SPIDR: variants seen among roughly 807,000 people sequenced by gnomAD.
SPIDR encodes the protein DNA repair-scaffolding protein.
Under a neutral mutation model 104.6 loss-of-function variants are expected in SPIDR, and 93 were observed. The observed-to-expected ratio is 0.89, with a 90% CI of 0.75 to 1.06. The LOEUF is 1.06. Ranked by LOEUF, SPIDR falls within the 50% of genes least tolerant of loss-of-function variation. The pLI, the probability that SPIDR is intolerant of heterozygous loss-of-function variation, is 0.00. For missense variants in SPIDR, 1,154 were observed against 1,111.2 expected (o/e 1.04, Z -0.55); for synonymous variants, 431 against 416.9 (o/e 1.03, Z -0.41).
intron 10 of SPIDR, among the ~76,000 whole-genome samples, chr8:47,624,530 C>A (rs1415660800): frequency 6.6e-6 from 1 of 151,844 alleles, no homozygotes; most frequent in Non-Finnish European, 1.5e-5. Flanking sequence ...ATCAAAGAGA[C>A]GCAATAAAAA....
At chr8:47,275,216 G>T (rs1178870505) in intron 1 of SPIDR, among the ~76,000 whole-genome samples, 2 of 151,358 alleles carry the variant, frequency 1.3e-5, no homozygotes, top group Admixed American at 6.6e-5. Context: ...CCCAGATTGC[G>T]CCACTGCACT....
intron 8 of SPIDR, among the ~76,000 whole-genome samples, chr8:47,539,195 G>A (rs2087592426): frequency 6.6e-6 from 1 of 152,110 alleles, no homozygotes; most frequent in South Asian, 2.1e-4. Context: ...GCTGAGAGAT[G>A]TGATAGATAA....
intron 8 of SPIDR, among the ~76,000 whole-genome samples, chr8:47,565,971 C>CAT (rs1170408396): frequency 0.021 from 877 of 41,450 alleles, 46 homozygotes; most frequent in East Asian, 0.027. Flanking sequence ...TATTTATACT[C>CAT]ATATATATAT....
chr8:47,496,783 A>G (rs2079528467), intron 8 of SPIDR, among the ~76,000 whole-genome samples: 1 of 147,968 alleles, frequency 6.8e-6, no homozygotes, highest in South Asian at 2.1e-4. Context: ...CATTTGGTAG[A>G]ATTCACCACT....
At chr8:47,606,301 C>T (rs1201994143) in intron 10 of SPIDR, among the ~76,000 whole-genome samples, 1 of 151,570 alleles carries the variant, frequency 6.6e-6, no homozygotes, top group Non-Finnish European at 1.5e-5. Flanking sequence ...GGGTGGATCA[C>T]GAGGTCAAGA....
intron 5 of SPIDR, among the ~76,000 whole-genome samples, chr8:47,309,164 AC>A (rs1300867748): frequency 6.6e-6 from 1 of 152,190 alleles, no homozygotes; most frequent in African/African-American, 2.4e-5. Flanking sequence ...TTATATAAAA[AC>A]TGATAAAATT....
At chr8:47,327,345 A>G (rs1433394677) in intron 5 of SPIDR, among the ~76,000 whole-genome samples, 2 of 150,244 alleles carry the variant, frequency 1.3e-5, no homozygotes, top group Non-Finnish European at 3.0e-5. Flanking sequence ...CTTGTCAAAT[A>G]TATGACTGGC....
chr8:47,356,862 G>A (rs763929118), intron 5 of SPIDR, among the ~76,000 whole-genome samples: 108 of 152,240 alleles, frequency 7.1e-4, no homozygotes, highest in Middle Eastern at 3.4e-3. Flanking sequence ...GCTGTTCTGT[G>A]AGCACCTACC....
intron 11 of SPIDR, among the ~76,000 whole-genome samples, chr8:47,675,954 G>A (rs985831506): frequency 1.3e-5 from 2 of 152,192 alleles, no homozygotes; most frequent in African/African-American, 2.4e-5. Context: ...GCAAGGACAC[G>A]AGGGGGCTCC....
intron 8 of SPIDR, among the ~76,000 whole-genome samples, chr8:47,452,447 A>G (rs1262000744): frequency 6.6e-6 from 1 of 152,318 alleles, no homozygotes; most frequent in East Asian, 1.9e-4. Context: ...GATGAACATC[A>G]ATGCAGAAAT....
chr8:47,317,979 C>T (rs995039892), intron 5 of SPIDR, among the ~76,000 whole-genome samples: 2 of 152,232 alleles, frequency 1.3e-5, no homozygotes, highest in African/African-American at 4.8e-5. Context: ...GTAGATAAAA[C>T]CACAAAGATG....
chr8:47,677,198 A>G (rs910845018), intron 11 of SPIDR, among the ~76,000 whole-genome samples: 1 of 152,170 alleles, frequency 6.6e-6, no homozygotes, highest in African/African-American at 2.4e-5. Flanking sequence ...TGTCCTCCCA[A>G]GTGGCCTGTG....
intron 8 of SPIDR, among the ~76,000 whole-genome samples, chr8:47,536,824 G>A (rs1229405609): frequency 6.6e-6 from 1 of 152,186 alleles, no homozygotes; most frequent in Non-Finnish European, 1.5e-5. Flanking sequence ...GACATATCTT[G>A]TAAAGAACTT....
At chr8:47,408,089 CTAATTT>C in intron 7 of SPIDR, 128 bp downstream of exon 7, 3 of 466,386 alleles carry the variant, frequency 6.4e-6, no homozygotes, top group South Asian at 3.9e-5. Context: ...TTCCAACATT[CTAATTT>C]TAACATATAA....
At position 47,588,309 on chromosome 8, in the gene SPIDR, G is replaced by A. The variant is rs568610572; in HGVS notation, c.1098-7502G>A. On this transcript the variant is annotated intron_variant, in intron 8 of 19. Transcript: ENST00000297423. ...TGTTTTGTGAGATTCACACTGACATGGGTTATTTTGGTCTTTTTTTTTTTT... is the reference window on the plus strand; with the variant it reads ...TGTTTTGTGAGATTCACACTGACATAGGTTATTTTGGTCTTTTTTTTTTTT... 3.4e-5 allele frequency among the ~76,000 whole-genome samples: 5 copies of A among 148,760 alleles called. No homozygotes were observed. The South Asian group carries it at 8.4e-4, about 25-fold the overall frequency.
chr8:47,484,864 C>T (rs1032609689), intron 8 of SPIDR, among the ~76,000 whole-genome samples: 12 of 152,062 alleles, frequency 7.9e-5, no homozygotes, highest in Non-Finnish European at 1.5e-4. Context: ...CAGACCCGGA[C>T]GGCAGTTCCA....
At chr8:47,672,609 T>C (rs2075938316) in intron 10 of SPIDR, among the ~76,000 whole-genome samples, 1 of 152,250 alleles carries the variant, frequency 6.6e-6, no homozygotes, top group African/African-American at 2.4e-5. Context: ...TTCAAATCTA[T>C]CAAGTCATTT....
chr8:47,423,284 G>A (rs1453691771), intron 7 of SPIDR, among the ~76,000 whole-genome samples: 4 of 137,962 alleles, frequency 2.9e-5, no homozygotes, highest in South Asian at 2.4e-4. Context: ...GTAACAGAGC[G>A]AGACTCTGTC....
chr8:47,322,041 A>G (rs10113024), intron 5 of SPIDR, among the ~76,000 whole-genome samples: 4,309 of 152,298 alleles, frequency 0.028, 221 homozygotes, highest in African/African-American at 0.097. Flanking sequence ...ATGGGCAAGG[A>G]CTTCGTGTCT....
Sources: gnomAD v4.1 joint callset for allele counts (sites outside exome capture counted in the v4.1 genomes callset) on GRCh38, gnomAD v4.1.1 for gene constraint, MANE v1.5 for transcripts, NCBI Gene and HGNC (gene_info 2026-07-23, HGNC 2026-07-21) for gene names.